Variants in NELL2 observed in about 807,000 individuals in gnomAD.
NELL2 encodes protein kinase C-binding protein NELL2.
Under a neutral mutation model 109.6 loss-of-function variants are expected in NELL2, and 41 were observed. The observed-to-expected ratio is 0.37, with a 90% confidence interval of 0.29 to 0.49. The LOEUF (loss-of-function observed/expected upper bound fraction) is 0.49. NELL2 is among the 20% of genes least tolerant of loss of function. NELL2 has a pLI of 0.98. For synonymous variants in NELL2, 355 were observed against 344.7 expected, an observed-to-expected ratio of 1.03 and a Z score of -0.33; for missense variants, 900 against 1,008.3, an observed-to-expected ratio of 0.89 and a Z score of 1.45.
intron 13 of NELL2, among the ~76,000 whole-genome samples, chr12:44,614,953 A>G (rs1191489612): frequency 6.6e-6 from 1 of 152,148 alleles, no homozygotes; most frequent in Non-Finnish European, 1.5e-5. Context: ...CTACATTTAA[A>G]TTCAATTTAG....
At chr12:44,569,841 A>C (rs924913085) in intron 15 of NELL2, among the ~76,000 whole-genome samples, 1 of 152,174 alleles carries the variant, frequency 6.6e-6, no homozygotes, top group Non-Finnish European at 1.5e-5. Context: ...CTAACTCAAA[A>C]ACATTTTTCT....
chr12:44,873,969 T>C (rs1419156247), intron 2 of NELL2, among the ~76,000 whole-genome samples: 4 of 152,144 alleles, frequency 2.6e-5, no homozygotes, highest in Non-Finnish European at 5.9e-5. Flanking sequence ...TAAACAATAA[T>C]TTTTAAGCCA....
At chr12:44,536,896 T>C (rs1052434097) in intron 15 of NELL2, among the ~76,000 whole-genome samples, 29 of 151,716 alleles carry the variant, frequency 1.9e-4, no homozygotes, top group African/African-American at 7.0e-4. Context: ...GGATCAGTAT[T>C]GACTTAGATA....
intron 9 of NELL2, among the ~76,000 whole-genome samples, chr12:44,770,178 C>A (rs1941492171): frequency 1.3e-5 from 2 of 152,140 alleles, no homozygotes; most frequent in African/African-American, 4.8e-5. Flanking sequence ...GCTTTAAAAT[C>A]TAAAGCTAAT....
At chr12:44,528,061 G>A (rs1015266206) in intron 16 of NELL2, among the ~76,000 whole-genome samples, 4 of 118,562 alleles carry the variant, frequency 3.4e-5, no homozygotes, top group Non-Finnish European at 4.8e-5. Flanking sequence ...TCGCCTCACT[G>A]CACTCCAGCC....
chr12:44,791,203 T>C (rs1478975572), intron 3 of NELL2, among the ~76,000 whole-genome samples: 2 of 72,026 alleles, frequency 2.8e-5, no homozygotes, highest in Non-Finnish European at 5.5e-5. Context: ...TATATATATA[T>C]ATATATATAT....
rs186673087 is a variant in NELL2, at chr12:44,665,745, G to T, written c.1319-136C>A. On this transcript the variant is annotated intron_variant, in intron 12 of 19. Transcript: ENST00000429094. ...GAAAAGCATTCATGATATCTCCTTT[G>T]CTAGGAGTGTTTAATGTTCAAATGA... The T allele has an allele frequency of 2.2e-3, 2,253 of 1,001,338 alleles. 3 individuals are homozygous for T. The highest frequency in any genetic ancestry group is 2.7e-3 in the Non-Finnish European group (1,949 of 717,832). The allele number at this position is 1,001,338 out of a possible 1,614,324, so 62.0% of individuals were successfully genotyped here.
At chr12:44,794,522 T>G (rs1942550188) in intron 3 of NELL2, among the ~76,000 whole-genome samples, 1 of 152,146 alleles carries the variant, frequency 6.6e-6, no homozygotes, top group Non-Finnish European at 1.5e-5. Context: ...TCAGTTATGC[T>G]AAGGTCACTG....
chr12:44,777,136 AACACT>A lies in NELL2; in HGVS notation c.680-17_680-13del. On this transcript the variant is annotated splice_polypyrimidine_tract_variant and intron_variant, in intron 6 of 19. Coordinates refer to ENST00000429094, the MANE Select transcript of NELL2 (RefSeq NM_001145108.2). ...GCAAGTTGGACAGGCTGGAATTACA[AACACT>A]ACATTTGGTCAAGATGCATTTATAA... The A allele has an allele frequency of 6.2e-7, 1 of 1,613,840 alleles. No individual in the cohort carries two copies. Among genetic ancestry groups the A allele is most frequent in the South Asian group, 1.1e-5 (1 of 91,072 alleles).
intron 15 of NELL2, among the ~76,000 whole-genome samples, chr12:44,578,750 A>T (rs914204600): frequency 6.6e-6 from 1 of 152,150 alleles, no homozygotes; most frequent in South Asian, 2.1e-4. Flanking sequence ...TTAACATCCA[A>T]CAAAATGGTG....
At chr12:44,742,739 A>G (rs1015323552) in intron 9 of NELL2, among the ~76,000 whole-genome samples, 4 of 152,196 alleles carry the variant, frequency 2.6e-5, no homozygotes, top group Non-Finnish European at 2.9e-5. Flanking sequence ...AAGCGAGAAG[A>G]GAAGTTTAGA....
At chr12:44,708,139 C>G (rs1937989034) in intron 11 of NELL2, among the ~76,000 whole-genome samples, 1 of 152,150 alleles carries the variant, frequency 6.6e-6, no homozygotes, top group East Asian at 1.9e-4. Flanking sequence ...TCAGAATCCT[C>G]ACTGAATCAC....
At chr12:44,712,005 A>T (rs1938230552) in intron 10 of NELL2, among the ~76,000 whole-genome samples, 1 of 152,060 alleles carries the variant, frequency 6.6e-6, no homozygotes, top group African/African-American at 2.4e-5. Context: ...TAGTTCTTGC[A>T]GCCAAAAAGA....
At chr12:44,519,761 G>A (rs1349232855) in intron 19 of NELL2, among the ~76,000 whole-genome samples, 1 of 152,164 alleles carries the variant, frequency 6.6e-6, no homozygotes, top group African/African-American at 2.4e-5. Flanking sequence ...TTGTTTCTAT[G>A]TTGGTGATAT....
chr12:44,775,783 T>A (rs927094268), intron 8 of NELL2, among the ~76,000 whole-genome samples: 1 of 152,210 alleles, frequency 6.6e-6, no homozygotes, highest in South Asian at 2.1e-4. Flanking sequence ...GCTAACTTCA[T>A]GTGTGTACCA....
At chr12:44,598,231 T>A (rs1468623283) in intron 15 of NELL2, among the ~76,000 whole-genome samples, 1 of 139,006 alleles carries the variant, frequency 7.2e-6, no homozygotes, top group East Asian at 2.4e-4. Flanking sequence ...TAGGGCTGAC[T>A]GCTGTAAGGT....
At chr12:44,766,328 C>T (rs747176457) in intron 9 of NELL2, among the ~76,000 whole-genome samples, 23 of 152,068 alleles carry the variant, frequency 1.5e-4, no homozygotes, top group African/African-American at 2.9e-4. Context: ...TTGTTTTGTA[C>T]GTTTGGTTGA....
rs544978035 is a variant in NELL2, at chr12:44,561,872, A to G, written c.1664-29151T>C. ...AGTCTGTATAGCCAAGACAATCCTA[A>G]ACAAAAAGAACAAAGCTGGAGGCAT... On this transcript the variant is annotated intron_variant, in intron 15 of 19. Coordinates refer to ENST00000429094, the MANE Select transcript of NELL2 (RefSeq NM_001145108.2). Among the ~76,000 whole-genome samples, 4 of 152,328 alleles carry G rather than the reference A, an allele frequency of 2.6e-5. No homozygotes were observed. In the East Asian group the frequency reaches 5.8e-4, roughly 22 times the overall value.
At chr12:44,879,541 CATA>C (rs1945387248), upstream of NELL2, among the ~76,000 whole-genome samples, 1 of 151,874 alleles carries the variant, frequency 6.6e-6, no homozygotes, top group Non-Finnish European at 1.5e-5. Context: ...AGAAAAAAGA[CATA>C]GCAGAAGATG....
Sources: gnomAD v4.1 joint callset for allele counts (sites outside exome capture counted in the v4.1 genomes callset) on GRCh38, gnomAD v4.1.1 for gene constraint, MANE v1.5 for transcripts, NCBI Gene and HGNC (gene_info 2026-07-23, HGNC 2026-07-21) for gene names.